Variants in RIF1 observed in about 807,000 individuals in gnomAD.
RIF1 encodes the protein replication timing regulatory factor 1.
Under a neutral mutation model 247.1 loss-of-function variants are expected in RIF1, and 45 were observed. That is an observed-to-expected ratio of 0.18 (90% CI 0.14 to 0.23). The LOEUF is 0.23. RIF1 is among the 10% of genes least tolerant of loss of function. The pLI is 1.00. For synonymous variants in RIF1, 1,087 were observed against 978.8 expected (o/e 1.11, Z -2.06); for missense variants, 2,967 against 2,862.5 (o/e 1.04, Z -0.83).
intron 9 of RIF1, among the ~76,000 whole-genome samples, chr2:151,494,546 C>CCTG: frequency 6.6e-6 from 1 of 152,248 alleles, no homozygotes. Flanking sequence ...ATGTCAAGCC[C>CCTG]CTGAGAGATG....
chr2:151,414,350 AT>A lies in RIF1; in HGVS notation c.184-471del, dbSNP rs1006003793. The stretch of plus-strand genomic sequence containing the variant: ...TTCTCTTATGTATAAGGTTTAAAAA[AT>A]TGTTTTATTTTACTATTAATTGAGA... On this transcript the variant is annotated intron_variant, in intron 3 of 35. Transcript: ENST00000444746. 3.9e-4 allele frequency among the ~76,000 whole-genome samples: 59 copies of A among 152,256 alleles called. 1 individual carries two copies. Among genetic ancestry groups the A allele is most frequent in the African/African-American group, 1.4e-3 (57 of 41,564 alleles).
chr2:151,410,131 T>TCTCCCGCCCTCCGCCGATCTC, intron 1 of RIF1, 98 bp downstream of exon 1: 1 of 680,152 alleles, frequency 1.5e-6, no homozygotes, highest in Admixed American at 2.1e-5. Flanking sequence ...TCCCCGGGCT[T>TCTCCCGCCCTCCGCCGATCTC]CTCCCGCCCT....
At chr2:151,418,254 G>T (rs1687554830) in intron 6 of RIF1, among the ~76,000 whole-genome samples, 1 of 152,298 alleles carries the variant, frequency 6.6e-6, no homozygotes, top group South Asian at 2.1e-4. Context: ...GTTCAGGCTG[G>T]AGTGTAGTGG....
At chr2:151,419,789 G>C (rs957256777) in intron 6 of RIF1, among the ~76,000 whole-genome samples, 1 of 152,168 alleles carries the variant, frequency 6.6e-6, no homozygotes, top group Non-Finnish European at 1.5e-5. Context: ...GTCACTAGGT[G>C]ATAGGAACTT....
At chr2:151,442,185 C>T (rs1692426545) in intron 16 of RIF1, among the ~76,000 whole-genome samples, 194 bp downstream of exon 16, 1 of 151,774 alleles carries the variant, frequency 6.6e-6, no homozygotes, top group Non-Finnish European at 1.5e-5. Flanking sequence ...AAGCTATTCT[C>T]CTGCCTCAAC....
At chr2:151,511,348 C>T (rs74751445), downstream of RIF1, among the ~76,000 whole-genome samples, 1,887 of 152,286 alleles carry the variant, frequency 0.012, 39 homozygotes, top group African/African-American at 0.043. Context: ...AAACCACTCT[C>T]TAGTGATAAC....
rs1213272030 is a variant in RIF1 at position 151,463,259 on chromosome 2, G to A, written c.3739G>A (p.Val1247Ile). Residue 1247 changes from valine to isoleucine, a missense_variant, in exon 30 of 36, where the codon GTT becomes ATT. Coordinates refer to ENST00000444746, the MANE Select transcript of RIF1 (RefSeq NM_018151.5). ...PSPLNNISSTVTVKNNQETMI... is the reference protein window; with the variant it reads ...PSPLNNISSTITVKNNQETMI... ...CCCCTTGAATAATATTTCATCAACT[G>A]TTACAGTGAAAAATAACCAGGAAAC... is the stretch of plus-strand genomic sequence containing the variant. The A allele has an allele frequency of 6.2e-6, 10 of 1,613,130 alleles. No individual in the cohort carries two copies. The African/African-American group carries it at 1.3e-4, about 22-fold the overall frequency.
chr2:151,450,961 A>G (rs570477648), intron 20 of RIF1, among the ~76,000 whole-genome samples: 8 of 152,322 alleles, frequency 5.3e-5, no homozygotes, highest in Non-Finnish European at 7.4e-5. Flanking sequence ...GGAATTTGAT[A>G]GAGAATCTGT....
downstream of RIF1, among the ~76,000 whole-genome samples, chr2:151,508,539 C>T (rs989521741): frequency 5.3e-5 from 8 of 152,184 alleles, no homozygotes; most frequent in Non-Finnish European, 1.0e-4. Flanking sequence ...AAAGACATGA[C>T]CTCTAGAAAG....
intron 9 of RIF1, among the ~76,000 whole-genome samples, chr2:151,432,816 G>A (rs954684252): frequency 1.3e-5 from 2 of 152,144 alleles, no homozygotes; most frequent in African/African-American, 4.8e-5. Context: ...GTGGGAAATT[G>A]CCCCGGCACA....
At chr2:151,441,049 G>A (rs1228909652) in intron 15 of RIF1, among the ~76,000 whole-genome samples, 2 of 152,034 alleles carry the variant, frequency 1.3e-5, no homozygotes, top group Non-Finnish European at 2.9e-5. Flanking sequence ...CACTTTGGGA[G>A]GGCAAGGTGG....
chr2:151,514,343 T>C, the RIF1 span: 2 of 1,613,470 alleles, frequency 1.2e-6, no homozygotes, highest in Non-Finnish European at 1.7e-6. Context: ...AGTGGCATTC[T>C]TTGCTCTTAG....
chr2:151,436,470 G>T (rs1276991789), intron 11 of RIF1, among the ~76,000 whole-genome samples: 1 of 149,508 alleles, frequency 6.7e-6, no homozygotes, highest in Non-Finnish European at 1.5e-5. Flanking sequence ...GAGCCCAGGA[G>T]TTTGAGGTTG....
the RIF1 span, chr2:151,524,539 T>C: frequency 6.2e-7 from 1 of 1,613,886 alleles, no homozygotes; most frequent in Non-Finnish European, 8.5e-7. Context: ...TGGCTGCCTG[T>C]GTGGCCTTCT....
Position 151,462,648 on chromosome 2 carries a change from AGTGT to A in RIF1, c.3363+199_3363+202del, listed in dbSNP as rs112752759. Among the ~76,000 whole-genome samples the A allele has an allele frequency of 2.3e-3, 351 of 150,734 alleles. 8 individuals carry two copies. The East Asian group carries it at 0.046, about 20-fold the overall frequency. On this transcript the variant is annotated intron_variant, in intron 29 of 35. Coordinates refer to ENST00000444746, the MANE Select transcript of RIF1 (RefSeq NM_018151.5). ...AGCAGAATATCAGCAGACACTAGTC[AGTGT>A]GTGTGTGTGTGTGTGTATAAAATAA...
chr2:151,513,523 T>A, the RIF1 span: 1 of 1,252,186 alleles, frequency 8.0e-7, no homozygotes, highest in Non-Finnish European at 1.1e-6. Context: ...GGACACTTTA[T>A]GTCCTTAAAG....
chr2:151,480,690 C>T lies in RIF1; in HGVS notation c.*5619C>T, dbSNP rs1053042800. 2 of 152,272 alleles carry T rather than the reference C, an allele frequency of 1.3e-5. No homozygotes were observed. Among genetic ancestry groups the T allele is most frequent in the South Asian group, 2.1e-4 (1 of 4,826 alleles). 9.4% of individuals were successfully genotyped at this position (152,272 alleles called of 1,614,324 possible). A position where few individuals can be genotyped will look rare whatever the true frequency, so the allele number is the denominator to read the frequency against. ...GAAGATCATCTTCAAAATAAAGTGT[C>T]ATGGAACTGAAAATAGAGTATAGTC... On this transcript the variant is annotated 3_prime_UTR_variant, in exon 36 of 36. Transcript: ENST00000444746.
At position 151,468,520 on chromosome 2, in the gene RIF1, G is replaced by T. The variant is rs148438067; in HGVS notation, c.6794G>T (p.Ser2265Ile). ...AKGFLSPGSR[S>I]PKFKSSKKCL... ...GGATTTCTGTCCCCAGGATCACGTA[G>T]CCCTAAATTTAAGAGCTCAAAGAAG... Residue 2265 changes from serine to isoleucine, a missense_variant, in exon 32 of 36, where the codon AGC becomes ATC. Around this residue, in one of 7 missense-constraint regions of RIF1, gnomAD observed 2,028 missense variants for 1,825.6 expected, o/e 1.11. Transcript: ENST00000444746. 113 of 1,613,454 alleles carry T rather than the reference G, an allele frequency of 7.0e-5. No homozygotes were observed. The African/African-American group carries it at 1.3e-3, about 19-fold the overall frequency.
chr2:151,486,040 A>C (rs2050049886), downstream of RIF1: 1 of 1,149,474 alleles, frequency 8.7e-7, no homozygotes. Flanking sequence ...ACTTAAGTTG[A>C]ACAAAAGAGA....
Sources: allele counts gnomAD v4.1 joint callset (sites outside exome capture counted in the v4.1 genomes callset), GRCh38; gene constraint gnomAD v4.1.1; regional missense constraint gnomAD v4.1.1; transcripts MANE v1.5; gene names NCBI Gene and HGNC (gene_info 2026-07-23, HGNC 2026-07-21).